Variants in TENM4 observed in about 807,000 individuals in gnomAD.
TENM4 encodes the protein teneurin-4.
A neutral mutation model predicts 243.3 loss-of-function variants in TENM4; 82 were observed. The ratio of observed to expected loss-of-function variants is 0.34; its 90% CI spans 0.28 to 0.40. TENM4 has a LOEUF of 0.40. TENM4 is among the 10% of genes least tolerant of loss of function. The probability of loss-of-function intolerance (pLI) is 1.00; values close to 1 mark genes in which losing one functional copy is unlikely to be tolerated. For missense variants in TENM4, 3,138 were observed against 3,673.3 expected, an observed-to-expected ratio of 0.85 and a Z score of 3.77; for synonymous variants, 1,412 against 1,456.3, an observed-to-expected ratio of 0.97 and a Z score of 0.69.
intron 28 of TENM4, among the ~76,000 whole-genome samples, chr11:78,693,643 A>C: frequency 6.6e-6 from 1 of 152,166 alleles, no homozygotes; most frequent in East Asian, 1.9e-4. Flanking sequence ...CTGGCTTTTC[A>C]TTATTTCCTC....
chr11:78,818,837 G>A (rs1457724151), intron 12 of TENM4, among the ~76,000 whole-genome samples: 1 of 151,950 alleles, frequency 6.6e-6, no homozygotes, highest in African/African-American at 2.4e-5. Context: ...CTTTAGATCT[G>A]CTTGGATCCA....
intron 1 of TENM4, among the ~76,000 whole-genome samples, chr11:79,393,154 C>T (rs953453333): frequency 1.7e-4 from 26 of 152,142 alleles, no homozygotes; most frequent in African/African-American, 6.3e-4. Context: ...CTACAGTCAA[C>T]TGAGTGCTTA....
intron 8 of TENM4, 110 bp from the exon 9 acceptor site, chr11:78,890,130 A>T: frequency 2.5e-6 from 2 of 811,732 alleles, no homozygotes; most frequent in South Asian, 3.7e-5. Context: ...AGGAGCCTGG[A>T]TAGAGAGAGT....
At chr11:78,911,412 C>T (rs1856182564) in intron 6 of TENM4, among the ~76,000 whole-genome samples, 1 of 152,206 alleles carries the variant, frequency 6.6e-6, no homozygotes, top group Admixed American at 6.5e-5. Flanking sequence ...CTAAGGACTG[C>T]ATCACCTGGG....
At chr11:79,404,797 A>C (rs1406159662) in intron 1 of TENM4, among the ~76,000 whole-genome samples, 1 of 152,188 alleles carries the variant, frequency 6.6e-6, no homozygotes, top group Non-Finnish European at 1.5e-5. Context: ...AATACTGTAT[A>C]TCTATTCAAA....
At chr11:79,327,649 C>CT (rs11408549) in intron 1 of TENM4, among the ~76,000 whole-genome samples, 85,251 of 119,822 alleles carry the variant, frequency 0.71, 30,579 homozygotes, top group Middle Eastern at 0.77. Context: ...AATTGGAAAG[C>CT]TTTTTTTTTT....
chr11:78,927,849 T>TTCTCTCTC (rs56853062), intron 6 of TENM4, among the ~76,000 whole-genome samples: 1 of 149,290 alleles, frequency 6.7e-6, no homozygotes, highest in Non-Finnish European at 1.5e-5. Context: ...AAGCATCCTG[T>TTCTCTCTC]TCTCTCTCTC....
At chr11:78,997,546 T>C (rs1858206855) in intron 6 of TENM4, among the ~76,000 whole-genome samples, 1 of 152,194 alleles carries the variant, frequency 6.6e-6, no homozygotes, top group African/African-American at 2.4e-5. Flanking sequence ...CTCAGTAGGA[T>C]GGCTGCAGGA....
intron 4 of TENM4, among the ~76,000 whole-genome samples, chr11:79,075,609 G>C (rs1435401255): frequency 6.6e-6 from 1 of 152,208 alleles, no homozygotes; most frequent in Non-Finnish European, 1.5e-5. Flanking sequence ...GGAAGCTCAA[G>C]TAGCAAATAT....
chr11:78,879,574 A>C (rs2511140), intron 9 of TENM4, among the ~76,000 whole-genome samples: 90,953 of 95,520 alleles, frequency 0.95, 43,433 homozygotes, highest in Non-Finnish European at 0.98. Context: ...GCACCTCCAC[A>C]CGGCCGCCCT....
chr11:79,254,625 G>C (rs200673647), intron 2 of TENM4, among the ~76,000 whole-genome samples: 3 of 152,152 alleles, frequency 2.0e-5, no homozygotes, highest in African/African-American at 7.2e-5. Context: ...GAGATTAAAG[G>C]CCATTTTGTT....
intron 6 of TENM4, among the ~76,000 whole-genome samples, chr11:78,999,439 C>T (rs1858259711): frequency 6.6e-6 from 1 of 151,916 alleles, no homozygotes; most frequent in Non-Finnish European, 1.5e-5. Flanking sequence ...TGGCATGAAC[C>T]CGGGAGACGG....
At chr11:79,367,551 C>A (rs1857700689) in intron 1 of TENM4, among the ~76,000 whole-genome samples, 1 of 152,092 alleles carries the variant, frequency 6.6e-6, no homozygotes, top group Admixed American at 6.6e-5. Flanking sequence ...GAAAGAATTG[C>A]CATCATTTTG....
chr11:78,768,800 C>T (rs991201602), intron 18 of TENM4, among the ~76,000 whole-genome samples: 10 of 152,280 alleles, frequency 6.6e-5, no homozygotes, highest in African/African-American at 2.2e-4. Context: ...TTTCCTATGA[C>T]AAGAACCTCT....
chr11:79,171,108 G>A (rs2135116164), intron 3 of TENM4, among the ~76,000 whole-genome samples: 1 of 152,314 alleles, frequency 6.6e-6, no homozygotes, highest in Middle Eastern at 3.4e-3. Flanking sequence ...ACAGAGGTCA[G>A]AGAGGCATCT....
chr11:79,419,287 T>C (rs985369543), intron 1 of TENM4, among the ~76,000 whole-genome samples: 1 of 152,174 alleles, frequency 6.6e-6, no homozygotes, highest in Non-Finnish European at 1.5e-5. Flanking sequence ...TCAGTGGCCT[T>C]TGTCTGCTTT....
chr11:78,906,512 C>T (rs1249155711), intron 6 of TENM4, among the ~76,000 whole-genome samples: 1 of 152,142 alleles, frequency 6.6e-6, no homozygotes, highest in Non-Finnish European at 1.5e-5. Context: ...TGTCAAAAGT[C>T]CTGCAATGAT....
intron 6 of TENM4, among the ~76,000 whole-genome samples, chr11:78,960,829 G>A (rs1857304614): frequency 6.6e-6 from 1 of 152,194 alleles, no homozygotes. Flanking sequence ...GCATCCCCAA[G>A]TGCCAAGCAG....
At chr11:79,327,008 C>T (rs1856985047) in intron 1 of TENM4, among the ~76,000 whole-genome samples, 1 of 152,208 alleles carries the variant, frequency 6.6e-6, no homozygotes, top group Non-Finnish European at 1.5e-5. Flanking sequence ...CCCTTTAATG[C>T]TCTGGCTGCA....
Sources: allele counts gnomAD v4.1 joint callset (sites outside exome capture counted in the v4.1 genomes callset), GRCh38; gene constraint gnomAD v4.1.1; transcripts MANE v1.5; gene names NCBI Gene and HGNC (gene_info 2026-07-23, HGNC 2026-07-21).